L3MBTL3: variants seen among roughly 807,000 people sequenced by gnomAD.
The protein encoded by L3MBTL3 is lethal(3)malignant brain tumor-like protein 3.
In L3MBTL3, 27 loss-of-function variants were observed where a neutral mutation model predicts 102.3. The ratio of observed to expected loss-of-function variants is 0.26; its 90% CI spans 0.19 to 0.36. L3MBTL3 has a LOEUF of 0.36. L3MBTL3 is among the 10% of genes least tolerant of loss of function. The pLI is 1.00. For synonymous variants in L3MBTL3, 340 were observed against 320.9 expected, an observed-to-expected ratio of 1.06 and a Z score of -0.64; for missense variants, 798 against 955.3, an observed-to-expected ratio of 0.84 and a Z score of 2.17.
At chr6:130,019,215 C>T (rs1383664420) in intron 1 of L3MBTL3, among the ~76,000 whole-genome samples, 1 of 146,918 alleles carries the variant, frequency 6.8e-6, no homozygotes, top group Non-Finnish European at 1.5e-5. Flanking sequence ...TGGGGGAGCG[C>T]GGCGGCGCCG....
Position 130,043,643 on chromosome 6 carries a change from G to T in L3MBTL3, c.102+842G>T, listed in dbSNP as rs147540827. Among the ~76,000 whole-genome samples the T allele has an allele frequency of 3.0e-4, 46 of 152,214 alleles. 1 individual carries two copies. The highest frequency in any genetic ancestry group is 1.1e-3 in the African/African-American group (45 of 41,456). On this transcript the variant is annotated intron_variant, in intron 3 of 22. Transcript: ENST00000361794. ...CTTCACATCTCCCCAACAGGCCATT[G>T]CTGGGCTTACCTCTCAAATGTTTGG... is the stretch of plus-strand genomic sequence containing the variant.
At chr6:130,036,530 TTTC>T (rs1780075425) in intron 2 of L3MBTL3, among the ~76,000 whole-genome samples, 2 of 152,226 alleles carry the variant, frequency 1.3e-5, no homozygotes, top group African/African-American at 4.8e-5. Flanking sequence ...ATTCTGAGTA[TTTC>T]TTAAAACATA....
intron 16 of L3MBTL3, among the ~76,000 whole-genome samples, chr6:130,089,628 T>C (rs1783909408): frequency 6.6e-6 from 1 of 152,176 alleles, no homozygotes; most frequent in Admixed American, 6.5e-5. Context: ...TCTAGATCCT[T>C]GAGGAATCGC....
intron 2 of L3MBTL3, among the ~76,000 whole-genome samples, chr6:130,039,134 A>C (rs1014384970): frequency 3.3e-5 from 5 of 152,180 alleles, no homozygotes; most frequent in Admixed American, 1.3e-4. Context: ...AGAATAAACT[A>C]TCATGGACCC....
At chr6:130,024,601 G>A (rs1779217771) in intron 2 of L3MBTL3, among the ~76,000 whole-genome samples, 2 of 152,174 alleles carry the variant, frequency 1.3e-5, no homozygotes, top group South Asian at 4.1e-4. Context: ...GTGCAGTTAG[G>A]ATGGGGAATT....
intron 20 of L3MBTL3, among the ~76,000 whole-genome samples, chr6:130,124,041 G>T (rs770366097): frequency 6.6e-6 from 1 of 152,172 alleles, no homozygotes; most frequent in Non-Finnish European, 1.5e-5. Context: ...GCAGGATTGG[G>T]CAGACGGAGA....
chr6:130,045,525 G>A (rs1185271938), intron 3 of L3MBTL3, among the ~76,000 whole-genome samples: 2 of 152,106 alleles, frequency 1.3e-5, no homozygotes, highest in Non-Finnish European at 2.9e-5. Context: ...GGAAATGGAG[G>A]CCTGGAGTAG....
At chr6:130,020,244 G>T (rs868788706) in intron 1 of L3MBTL3, among the ~76,000 whole-genome samples, 2 of 151,466 alleles carry the variant, frequency 1.3e-5, no homozygotes, top group South Asian at 2.1e-4. Context: ...GGGGCGGGGG[G>T]AAGTAGAGGC....
In L3MBTL3 at chr6:130,051,428, C is replaced by T; in HGVS notation, c.449+20C>T. 1.2e-6 allele frequency: 2 copies of T among 1,603,408 alleles called. No individual in the cohort carries two copies. Among genetic ancestry groups the T allele is most frequent in the Non-Finnish European group, 1.7e-6 (2 of 1,172,132 alleles). On this transcript the variant is annotated intron_variant, in intron 6 of 22. Coordinates refer to ENST00000361794, the MANE Select transcript of L3MBTL3 (RefSeq NM_032438.4). ...AGATAAGTAGGTTTTTGCCCCATTC[C>T]ATCTATAAATTGAGTTTTAGATTCC...
At chr6:130,131,325 A>G (rs1787006169) in intron 20 of L3MBTL3, among the ~76,000 whole-genome samples, 1 of 152,236 alleles carries the variant, frequency 6.6e-6, no homozygotes, top group African/African-American at 2.4e-5. Flanking sequence ...TTAAAAAGAA[A>G]AAGATAGACA....
In L3MBTL3 at chr6:130,121,024, A is replaced by G. The variant is rs187430834; in HGVS notation, c.1966+66A>G. On this transcript the variant is annotated intron_variant, in intron 20 of 22. Transcript: ENST00000361794. ...CTAATATGAAACAATCAAAGCCTTA[A>G]CTGGAATACAACAGTCTCTTTTATG... 381 of 961,868 alleles carry G rather than the reference A, an allele frequency of 4.0e-4. 1 individual carries two copies. The African/African-American group carries it at 5.6e-3, about 14-fold the overall frequency. The allele number at this position is 961,868 out of a possible 1,614,324, so 59.6% of individuals were successfully genotyped here. A position where few individuals can be genotyped will look rare whatever the true frequency, so the allele number is the denominator to read the frequency against.
At chr6:130,094,742 T>C (rs1448170234) in intron 18 of L3MBTL3, among the ~76,000 whole-genome samples, 3 of 152,122 alleles carry the variant, frequency 2.0e-5, no homozygotes, top group Non-Finnish European at 4.4e-5. Context: ...ATTTGAATAA[T>C]GAGAGATGAG....
intron 1 of L3MBTL3, among the ~76,000 whole-genome samples, chr6:130,019,890 G>A (rs2114372694): frequency 7.0e-6 from 1 of 143,650 alleles, no homozygotes; most frequent in East Asian, 2.1e-4. Context: ...GGCCGGGCCG[G>A]GAGCCCGCGC....
chr6:130,085,940 A>G (rs1206242403), intron 15 of L3MBTL3, among the ~76,000 whole-genome samples, 200 bp from the exon 16 acceptor site: 2 of 151,828 alleles, frequency 1.3e-5, no homozygotes, highest in African/African-American at 4.8e-5. Flanking sequence ...TTTAATAGAG[A>G]CAGGGTTCAG....
intron 2 of L3MBTL3, among the ~76,000 whole-genome samples, chr6:130,034,153 T>G (rs1779900183): frequency 6.6e-6 from 1 of 152,170 alleles, no homozygotes; most frequent in Admixed American, 6.5e-5. Flanking sequence ...CTCTGTTTTA[T>G]CCACTCCTGG....
intron 5 of L3MBTL3, 62 bp from the exon 6 acceptor site, chr6:130,051,187 A>G: frequency 7.2e-7 from 1 of 1,383,810 alleles, no homozygotes; most frequent in Admixed American, 2.1e-5. Flanking sequence ...AAAAAGTTTG[A>G]TTGTATTTTA....
At chr6:130,105,030 G>A (rs930099673) in intron 19 of L3MBTL3, among the ~76,000 whole-genome samples, 1 of 152,142 alleles carries the variant, frequency 6.6e-6, no homozygotes, top group African/African-American at 2.4e-5. Flanking sequence ...TATGTTAATT[G>A]TTTTATAAGC....
intron 11 of L3MBTL3, 124 bp downstream of exon 11, chr6:130,066,612 G>A (rs992291021): frequency 1.3e-6 from 1 of 797,694 alleles, no homozygotes; most frequent in East Asian, 3.1e-5. Context: ...TAACCTTATT[G>A]TTTATGATGA....
At chr6:130,110,954 C>A (rs903092204) in intron 19 of L3MBTL3, among the ~76,000 whole-genome samples, 1 of 152,126 alleles carries the variant, frequency 6.6e-6, no homozygotes, top group Non-Finnish European at 1.5e-5. Flanking sequence ...ACATTACTCA[C>A]CTGGATGTAA....
Sources: gnomAD v4.1 joint callset for allele counts (sites outside exome capture counted in the v4.1 genomes callset) on GRCh38, gnomAD v4.1.1 for gene constraint, MANE v1.5 for transcripts, NCBI Gene and HGNC (gene_info 2026-07-23, HGNC 2026-07-21) for gene names.